Variants in FGF23 observed in about 807,000 individuals in gnomAD.
The protein encoded by FGF23 is fibroblast growth factor 23.
A neutral mutation model predicts 9.0 loss-of-function variants in FGF23; 8 were observed. The ratio of observed to expected loss-of-function variants is 0.89; its 90% CI spans 0.52 to 1.60. FGF23 has a LOEUF of 1.60. Among genes scored for constraint, FGF23 ranks in the 40% most tolerant of loss-of-function variants. FGF23 has a pLI of 0.00. For missense variants in FGF23, 311 were observed against 344.3 expected (o/e 0.90, Z 0.77); for synonymous variants, 118 against 146.2 (o/e 0.81, Z 1.39).
intron 1 of FGF23, among the ~76,000 whole-genome samples, chr12:4,377,394 C>G (rs1865128022): frequency 7.0e-6 from 1 of 142,348 alleles, no homozygotes; most frequent in South Asian, 2.3e-4. Flanking sequence ...CCATAATCTA[C>G]TATTCTGCAT....
chr12:4,372,439 C>T (rs540929462), intron 2 of FGF23, among the ~76,000 whole-genome samples, 155 bp downstream of exon 2: 4 of 152,188 alleles, frequency 2.6e-5, no homozygotes, highest in African/African-American at 9.6e-5. Context: ...TGAGCATTCA[C>T]GTTTAATTCA....
chr12:4,376,640 G>T (rs1440749628), intron 1 of FGF23, among the ~76,000 whole-genome samples: 1 of 151,976 alleles, frequency 6.6e-6, no homozygotes, highest in Non-Finnish European at 1.5e-5. Flanking sequence ...TTCTGCCTCA[G>T]CCTCCCAAGT....
chr12:4,373,851 G>A (rs759648538), intron 1 of FGF23, among the ~76,000 whole-genome samples: 4 of 152,138 alleles, frequency 2.6e-5, no homozygotes, highest in Non-Finnish European at 4.4e-5. Context: ...CATCTCATCT[G>A]ACCTCATAGC....
chr12:4,379,153 G>C (rs1387294368), intron 1 of FGF23, among the ~76,000 whole-genome samples: 1 of 152,084 alleles, frequency 6.6e-6, no homozygotes, highest in African/African-American at 2.4e-5. Flanking sequence ...ACCAGCAAAT[G>C]CTAATTAGGA....
At position 4,370,587 on chromosome 12, in the gene FGF23, G is replaced by T. The variant is rs1565456114; in HGVS notation, c.512C>A (p.Thr171Asn). 6.2e-7 allele frequency: 1 copy of T among 1,613,846 alleles called. No homozygotes were observed. The highest frequency in any genetic ancestry group is 8.5e-7 in the Non-Finnish European group (1 of 1,179,742). Residue 171 changes from threonine to asparagine, a missense_variant, in exon 3 of 3, where the codon ACC (threonine) becomes AAC (asparagine). By Grantham distance (65) the Thr-to-Asn change is moderately conservative (BLOSUM62 0). Transcript: ENST00000237837. Reference protein sequence around the residue: ...RNEIPLIHFNTPIPRRHTRSA... With the variant: ...RNEIPLIHFNNPIPRRHTRSA... ...CCGGGTGTGCCGCCGTGGTATGGGG[G>T]TGTTGAAGTGAATTAGGGGGATCTC...
At chr12:4,375,616 A>G (rs1591674136) in intron 1 of FGF23, among the ~76,000 whole-genome samples, 1 of 152,204 alleles carries the variant, frequency 6.6e-6, no homozygotes, top group Non-Finnish European at 1.5e-5. Flanking sequence ...TTTGCCTTCA[A>G]TGACGGAGGT....
In FGF23 at chr12:4,369,911, T is replaced by G. The variant is rs1591671913; in HGVS notation, c.*432A>C. 6 of 233,644 alleles carry G rather than the reference T, an allele frequency of 2.6e-5. No homozygotes were observed. The East Asian group carries it at 3.8e-4, about 15-fold the overall frequency. 14.5% of individuals were successfully genotyped at this position (233,644 alleles called of 1,614,324 possible). A position where few individuals can be genotyped will look rare whatever the true frequency, so the allele number is the denominator to read the frequency against. On this transcript the variant is annotated 3_prime_UTR_variant, in exon 3 of 3. Transcript: ENST00000237837. ...ATGCATAGGGCAGTGGAGAAGCTTC[T>G]GGGATCTCCGATTTCCTCTTCCCTA...
Position 4,372,667 on chromosome 12 carries a change from C to G in FGF23, c.242G>C (p.Gly81Ala). The change falls in exon 2 of 3, where the codon GGC becomes GCC. Residue 81 changes from glycine (G) to alanine (A), a missense_variant. Physicochemically the swap from Gly to Ala is moderately conservative, Grantham distance 60. Transcript: ENST00000237837. ...SALMIRSEDA[G>A]FVVITGVMSR... ...CATCACACCTGTAATCACCACAAAG[C>G]CAGCATCCTCTGATCTGATCATCAG... is the stretch of plus-strand genomic sequence containing the variant. 1.2e-6 allele frequency: 2 copies of G among 1,613,410 alleles called. No individual in the cohort carries two copies. The highest frequency in any genetic ancestry group is 1.3e-5 in the African/African-American group (1 of 75,028).
chr12:4,376,362 T>C (rs1172845230), intron 1 of FGF23, among the ~76,000 whole-genome samples: 1 of 152,132 alleles, frequency 6.6e-6, no homozygotes, highest in Non-Finnish European at 1.5e-5. Context: ...TCAATAGAAA[T>C]GGATAATTAG....
rs372434012 is a variant in FGF23 at position 4,379,614 on chromosome 12, T to C, written c.-32A>G. On this transcript the variant is annotated 5_prime_UTR_variant, in exon 1 of 3. Coordinates refer to ENST00000237837, the MANE Select transcript of FGF23 (RefSeq NM_020638.3). The stretch of plus-strand genomic sequence containing the variant: ...CTGCTCTGAGTGGCTGGTGCTGAGA[T>C]TGAAACCTGACACTCCTGTCGGGAC... 2.6e-6 allele frequency: 4 copies of C among 1,546,356 alleles called. No individual in the cohort carries two copies. The highest frequency in any genetic ancestry group is 1.9e-5 in the Admixed American group (1 of 52,420).
At chr12:4,372,154 C>A (rs1014568166) in intron 2 of FGF23, among the ~76,000 whole-genome samples, 1 of 124,104 alleles carries the variant, frequency 8.1e-6, no homozygotes, top group African/African-American at 3.2e-5. Flanking sequence ...GGAAGGGGAA[C>A]ATCACACTCT....
At position 4,369,869 on chromosome 12, in the gene FGF23, C is replaced by T. The variant is rs541379044; in HGVS notation, c.*474G>A. On this transcript the variant is annotated 3_prime_UTR_variant, in exon 3 of 3. Transcript: ENST00000237837. ...TTGCACACTCAAATGCCAGTGGGAT[C>T]GGGGCATCTAACATAAATGCATAGG... 1.3e-5 allele frequency: 3 copies of T among 224,034 alleles called. No homozygotes were observed. The highest frequency in any genetic ancestry group is 1.8e-4 in the South Asian group (1 of 5,534). 13.9% of individuals were successfully genotyped at this position (224,034 alleles called of 1,614,324 possible). A position where few individuals can be genotyped will look rare whatever the true frequency, so the allele number is the denominator to read the frequency against.
chr12:4,373,691 C>T (rs1429080587), intron 1 of FGF23, among the ~76,000 whole-genome samples: 1 of 152,164 alleles, frequency 6.6e-6, no homozygotes, highest in Non-Finnish European at 1.5e-5. Context: ...GGCAAAGGCA[C>T]AATTAGATCA....
rs114860891 is a variant in FGF23 at position 4,377,747 on chromosome 12, T to C, written c.211+1625A>G. On this transcript the variant is annotated intron_variant, in intron 1 of 2. Transcript: ENST00000237837. ...ACCTGGCCCACATATAGTCTTGAAT[T>C]AGAGTAAGGGTGTCCCCTCCATGAG... Among the ~76,000 whole-genome samples the C allele has an allele frequency of 2.3e-3, 342 of 150,884 alleles. 1 individual carries two copies. Among genetic ancestry groups the C allele is most frequent in the African/African-American group, 8.2e-3 (335 of 40,958 alleles).
rs1297215936 is a variant in FGF23 at position 4,370,506 on chromosome 12, C to T, written c.593G>A (p.Arg198Gln). ...ACAGGAGGCCGGGGCCGGGGTCATC[C>T]GGGCCCGGGGCTTCAGCACGTTCAG... Reference protein sequence around the residue: ...DPLNVLKPRARMTPAPASCSQ... With the variant: ...DPLNVLKPRAQMTPAPASCSQ... Residue 198 changes from arginine to glutamine, a missense_variant, in exon 3 of 3, where the codon CGG becomes CAG. Transcript: ENST00000237837. 8 of 1,611,254 alleles carry T rather than the reference C, an allele frequency of 5.0e-6. No individual in the cohort carries two copies. The highest frequency in any genetic ancestry group is 3.3e-5 in the Admixed American group (2 of 59,882).
At chr12:4,370,991 C>G (rs1299757521) in intron 2 of FGF23, among the ~76,000 whole-genome samples, 3 of 152,242 alleles carry the variant, frequency 2.0e-5, no homozygotes, top group South Asian at 4.1e-4. Context: ...CTTTCAGAGA[C>G]TACGACTACT....
rs762161764 is a variant in FGF23 at position 4,379,339 on chromosome 12, C to T, written c.211+33G>A. The stretch of plus-strand genomic sequence containing the variant: ...CTCCTGTAGATGGACAACAAGGGTG[C>T]TCCCCTTCTTCCCAGCCTGAAGCCC... On this transcript the variant is annotated intron_variant, in intron 1 of 2. Coordinates refer to ENST00000237837, the MANE Select transcript of FGF23 (RefSeq NM_020638.3). 30 of 1,579,800 alleles carry T rather than the reference C, an allele frequency of 1.9e-5. No individual in the cohort carries two copies. The Admixed American group carries it at 4.7e-4, about 25-fold the overall frequency.
At chr12:4,372,032 T>C (rs1001701294) in intron 2 of FGF23, among the ~76,000 whole-genome samples, 1 of 151,596 alleles carries the variant, frequency 6.6e-6, no homozygotes, top group African/African-American at 2.4e-5. Flanking sequence ...TGTAGGGACA[T>C]GGATGAAATT....
At chr12:4,371,640 A>G (rs1343527166) in intron 2 of FGF23, among the ~76,000 whole-genome samples, 1 of 152,220 alleles carries the variant, frequency 6.6e-6, no homozygotes, top group African/African-American at 2.4e-5. Context: ...ACCAATCCGA[A>G]TGAATAGCTA....
Sources: allele counts gnomAD v4.1 joint callset (sites outside exome capture counted in the v4.1 genomes callset), GRCh38; gene constraint gnomAD v4.1.1; transcripts MANE v1.5; gene names NCBI Gene and HGNC (gene_info 2026-07-23, HGNC 2026-07-21).